Variants in TMIGD3 observed in about 807,000 individuals in gnomAD.
The protein encoded by TMIGD3 is AD026 protein (AD026).
Under a neutral mutation model 28.1 loss-of-function variants are expected in TMIGD3, and 21 were observed. The ratio of observed to expected loss-of-function variants is 0.75; its 90% CI spans 0.53 to 1.08. The LOEUF (loss-of-function observed/expected upper bound fraction) is 1.08. Ranked by LOEUF, TMIGD3 falls within the 50% of genes least tolerant of loss-of-function variation. The pLI, the probability that TMIGD3 is intolerant of heterozygous loss-of-function variation, is 0.00. For missense variants in TMIGD3, 416 were observed against 435.6 expected (o/e 0.96, Z 0.40); for synonymous variants, 151 against 162.1 (o/e 0.93, Z 0.52).
In TMIGD3 at chr1:111,483,724, A is replaced by T; in HGVS notation, c.1007T>A (p.Leu336Gln). ...AGTAGGAGCCATTTCCTTTGGAGTC[A>T]GGACACGCGAGAAGGGCTTCAAAGT... The part of the protein sequence containing the change: ...GNTLKPFSRV[L>Q]TPKEMAPTEQ... Residue 336 changes from leucine to glutamine, a missense_variant, in exon 6 of 6, where the codon CTG (leucine) becomes CAG (glutamine). By Grantham distance (113) the Leu-to-Gln change is moderately radical (BLOSUM62 -2). Transcript: ENST00000369716. 6.2e-7 allele frequency: 1 copy of T among 1,614,110 alleles called. No homozygotes were observed. The highest frequency in any genetic ancestry group is 8.5e-7 in the Non-Finnish European group (1 of 1,179,942).
At chr1:111,529,880 T>C (rs1466931629) in intron 1 of TMIGD3, among the ~76,000 whole-genome samples, 1 of 151,296 alleles carries the variant, frequency 6.6e-6, no homozygotes, top group Non-Finnish European at 1.5e-5. Flanking sequence ...AATGAGCTGT[T>C]GGGTACACCT....
At chr1:111,541,305 GT>G (rs1299419336) in intron 1 of TMIGD3, among the ~76,000 whole-genome samples, 1 of 152,180 alleles carries the variant, frequency 6.6e-6, no homozygotes, top group Non-Finnish European at 1.5e-5. Context: ...GCTTCTAAGT[GT>G]GCTGGAGAAC....
chr1:111,532,433 T>C (rs1165408636), intron 1 of TMIGD3, among the ~76,000 whole-genome samples: 2 of 152,200 alleles, frequency 1.3e-5, no homozygotes, highest in Non-Finnish European at 2.9e-5. Context: ...GCCAGAAGTA[T>C]TCCAAGTGAA....
chr1:111,530,245 A>G (rs1290393902), intron 1 of TMIGD3, among the ~76,000 whole-genome samples: 1 of 152,186 alleles, frequency 6.6e-6, no homozygotes, highest in African/African-American at 2.4e-5. Flanking sequence ...TTAAAACAAT[A>G]TATCCATTTT....
intron 1 of TMIGD3, among the ~76,000 whole-genome samples, chr1:111,520,031 A>G (rs1656002908): frequency 6.6e-6 from 1 of 152,116 alleles, no homozygotes; most frequent in Admixed American, 6.5e-5. Context: ...TTGTACACAG[A>G]CCCGGTTAAC....
At chr1:111,489,709 C>T in intron 2 of TMIGD3, 2 of 1,075,756 alleles carry the variant, frequency 1.9e-6, no homozygotes, top group Non-Finnish European at 2.3e-6. Context: ...TACCTTAGCA[C>T]CCTCAGAAAG....
At chr1:111,491,223 G>A (rs994050601) in intron 1 of TMIGD3, among the ~76,000 whole-genome samples, 4 of 152,372 alleles carry the variant, frequency 2.6e-5, no homozygotes, top group African/African-American at 7.2e-5. Flanking sequence ...GTACGGCCAC[G>A]GGTGGCGCAT....
At chr1:111,523,910 C>T (rs112901199) in intron 1 of TMIGD3, among the ~76,000 whole-genome samples, 45 of 151,022 alleles carry the variant, frequency 3.0e-4, no homozygotes, top group East Asian at 1.9e-3. Context: ...TTTGTTTCAA[C>T]GATTTTCTCT....
At chr1:111,540,905 A>G (rs1481529038) in intron 1 of TMIGD3, among the ~76,000 whole-genome samples, 2 of 152,250 alleles carry the variant, frequency 1.3e-5, no homozygotes, top group Non-Finnish European at 2.9e-5. Context: ...AGTGGCAAAC[A>G]GTTACACAAA....
upstream of TMIGD3, among the ~76,000 whole-genome samples, chr1:111,506,934 CACACATATATAT>C (rs1175461159): frequency 4.9e-4 from 63 of 129,428 alleles, no homozygotes; most frequent in African/African-American, 1.8e-3. Context: ...TATACACACA[CACACATATATAT>C]ACACACACAT....
intron 1 of TMIGD3, chr1:111,500,652 G>C (rs1655128129): frequency 1.7e-6 from 2 of 1,172,382 alleles, no homozygotes; most frequent in African/African-American, 3.1e-5. Flanking sequence ...GGTGAGATAA[G>C]GCATATACTC....
At position 111,485,905 on chromosome 1, in the gene TMIGD3, G is replaced by C. The variant is rs557251555; in HGVS notation, c.873-65C>G. 1.1e-5 allele frequency: 14 copies of C among 1,326,162 alleles called. No homozygotes were observed. The South Asian group carries it at 1.7e-4, about 16-fold the overall frequency. 82.1% of individuals were successfully genotyped at this position (1,326,162 alleles called of 1,614,324 possible). ...AACTGCCTATTGATTCTCAGCTCTG[G>C]ATCCCTTTTTCTGGGATTTGCACCC... On this transcript the variant is annotated intron_variant, in intron 4 of 5. Coordinates refer to ENST00000369716, the MANE Select transcript of TMIGD3 (RefSeq NM_020683.7).
intron 1 of TMIGD3, among the ~76,000 whole-genome samples, chr1:111,526,727 G>A (rs1263361172): frequency 6.6e-6 from 1 of 152,112 alleles, no homozygotes; most frequent in Non-Finnish European, 1.5e-5. Context: ...TGTTGATGTT[G>A]TTCATTCATT....
intron 1 of TMIGD3, among the ~76,000 whole-genome samples, chr1:111,524,680 C>G (rs1656202877): frequency 6.6e-6 from 1 of 152,132 alleles, no homozygotes; most frequent in Non-Finnish European, 1.5e-5. Context: ...AGTGCGGTGG[C>G]ATGATCTCGG....
intron 1 of TMIGD3, among the ~76,000 whole-genome samples, chr1:111,497,133 C>A (rs193145365): frequency 3.3e-5 from 5 of 152,202 alleles, no homozygotes; most frequent in African/African-American, 9.6e-5. Flanking sequence ...GTTTTTGAGA[C>A]GGAGTGTCGT....
chr1:111,484,242 C>G (rs1654252506), intron 5 of TMIGD3, among the ~76,000 whole-genome samples: 1 of 152,206 alleles, frequency 6.6e-6, no homozygotes, highest in Non-Finnish European at 1.5e-5. Flanking sequence ...TCCTCCCCCT[C>G]TACAAGTTCC....
intron 1 of TMIGD3, among the ~76,000 whole-genome samples, chr1:111,494,479 A>G (rs1654802347): frequency 6.6e-6 from 1 of 152,248 alleles, no homozygotes; most frequent in African/African-American, 2.4e-5. Flanking sequence ...CAAAAGAATA[A>G]AATACCTAGG....
intron 1 of TMIGD3, among the ~76,000 whole-genome samples, chr1:111,534,613 C>T (rs183085748): frequency 2.6e-4 from 40 of 152,298 alleles, no homozygotes; most frequent in Non-Finnish European, 4.9e-4. Context: ...TTTCCTGCCC[C>T]TTCCCATGAC....
At chr1:111,528,830 T>C (rs12568715) in intron 1 of TMIGD3, among the ~76,000 whole-genome samples, 22,488 of 152,100 alleles carry the variant, frequency 0.15, 1,898 homozygotes, top group East Asian at 0.46. Flanking sequence ...ATTCCTTGTA[T>C]AGAGAAGCAA....
Sources: gnomAD v4.1 joint callset for allele counts (sites outside exome capture counted in the v4.1 genomes callset) on GRCh38, gnomAD v4.1.1 for gene constraint, MANE v1.5 for transcripts, NCBI Gene and HGNC (gene_info 2026-07-23, HGNC 2026-07-21) for gene names.